KIF6: variants seen among roughly 807,000 people sequenced by gnomAD.
KIF6 encodes kinesin family member 6.
In KIF6, 106 loss-of-function variants were observed where a neutral mutation model predicts 112.7. The ratio of observed to expected loss-of-function variants is 0.94; its 90% CI spans 0.80 to 1.11. KIF6 has a LOEUF of 1.11. KIF6 is among the 50% of genes least tolerant of loss of function. The probability of loss-of-function intolerance (pLI) is 0.00; values close to 1 mark genes in which losing one functional copy is unlikely to be tolerated. For synonymous variants in KIF6, 339 were observed against 339.9 expected, an observed-to-expected ratio of 1.00 and a Z score of 0.03; for missense variants, 929 against 964.0, an observed-to-expected ratio of 0.96 and a Z score of 0.48.
chr6:39,614,274 A>T (rs1441708383), intron 5 of KIF6, among the ~76,000 whole-genome samples: 1 of 152,222 alleles, frequency 6.6e-6, no homozygotes, highest in Non-Finnish European at 1.5e-5. Context: ...AAATCTTATT[A>T]TTCACAAGTA....
chr6:39,659,492 T>C (rs1786003014), intron 3 of KIF6, among the ~76,000 whole-genome samples: 1 of 152,146 alleles, frequency 6.6e-6, no homozygotes. Context: ...TTTGGGTGTG[T>C]TCCCACCCAA....
chr6:39,577,086 T>C (rs905684280), intron 10 of KIF6, among the ~76,000 whole-genome samples: 1 of 152,194 alleles, frequency 6.6e-6, no homozygotes, highest in Non-Finnish European at 1.5e-5. Flanking sequence ...TTCCCCTTAA[T>C]TGCAAATATG....
rs1775934060 is a variant in KIF6 at position 39,498,709 on chromosome 6, T to C, written c.1645+41294A>G. Among the ~76,000 whole-genome samples, 3 of 152,256 alleles carry C rather than the reference T, an allele frequency of 2.0e-5. 1 individual carries two copies. The South Asian group carries it at 6.2e-4, about 32-fold the overall frequency. On this transcript the variant is annotated intron_variant, in intron 13 of 22. Transcript: ENST00000287152. The stretch of plus-strand genomic sequence containing the variant: ...GTGGGCCACAGTTTGTTGATGCCTG[T>C]TGTAGAGTCAATATAATAAATATTT...
chr6:39,420,983 C>T (rs1770320995), intron 14 of KIF6, among the ~76,000 whole-genome samples: 2 of 152,196 alleles, frequency 1.3e-5, no homozygotes, highest in Non-Finnish European at 2.9e-5. Flanking sequence ...GCAGACAGGA[C>T]ATGGCCTATG....
At chr6:39,361,678 G>A (rs946237578) in intron 17 of KIF6, among the ~76,000 whole-genome samples, 13 of 152,070 alleles carry the variant, frequency 8.5e-5, no homozygotes, top group African/African-American at 2.4e-4. Context: ...CGACAGCAGC[G>A]TGTGTGCTCA....
chr6:39,694,945 A>G (rs543813851), intron 3 of KIF6, among the ~76,000 whole-genome samples: 3 of 152,348 alleles, frequency 2.0e-5, no homozygotes, highest in Admixed American at 2.0e-4. Flanking sequence ...TAATCAAAAA[A>G]GCATAGTACT....
At chr6:39,424,497 AT>A (rs1389092159) in intron 14 of KIF6, among the ~76,000 whole-genome samples, 2 of 152,214 alleles carry the variant, frequency 1.3e-5, no homozygotes, top group East Asian at 3.9e-4. Context: ...TTCCATAAAT[AT>A]TTGTAGAATA....
chr6:39,646,600 G>A (rs991952871), intron 3 of KIF6, among the ~76,000 whole-genome samples: 1 of 151,996 alleles, frequency 6.6e-6, no homozygotes, highest in Non-Finnish European at 1.5e-5. Context: ...AAAAATCAAA[G>A]GCAAATACAT....
intron 13 of KIF6, among the ~76,000 whole-genome samples, chr6:39,478,149 G>A (rs1348236053): frequency 6.6e-6 from 1 of 152,236 alleles, no homozygotes; most frequent in African/African-American, 2.4e-5. Context: ...CATCACCCTA[G>A]CAGTATACAC....
At chr6:39,348,806 C>T (rs1034879902) in intron 19 of KIF6, among the ~76,000 whole-genome samples, 1 of 152,184 alleles carries the variant, frequency 6.6e-6, no homozygotes, top group Admixed American at 6.5e-5. Context: ...ACCAGCGCCC[C>T]GCTACCCCCA....
intron 13 of KIF6, among the ~76,000 whole-genome samples, chr6:39,506,051 T>C (rs1015923197): frequency 2.0e-5 from 3 of 152,190 alleles, no homozygotes; most frequent in African/African-American, 7.2e-5. Context: ...GATACATGCA[T>C]GCATATGTTC....
At chr6:39,474,493 A>G (rs2150445337) in intron 13 of KIF6, among the ~76,000 whole-genome samples, 1 of 152,392 alleles carries the variant, frequency 6.6e-6, no homozygotes, top group Non-Finnish European at 1.5e-5. Context: ...GTAAGTGTTC[A>G]ATAAATCTTC....
intron 13 of KIF6, among the ~76,000 whole-genome samples, chr6:39,438,936 TTG>T (rs1425178162): frequency 6.6e-6 from 1 of 152,216 alleles, no homozygotes; most frequent in Non-Finnish European, 1.5e-5. Context: ...ATGCTTACCA[TTG>T]TGTTACAATT....
At chr6:39,715,371 C>T (rs1172113934) in intron 2 of KIF6, among the ~76,000 whole-genome samples, 3 of 152,112 alleles carry the variant, frequency 2.0e-5, no homozygotes, top group African/African-American at 7.2e-5. Flanking sequence ...AAGGTTTAAT[C>T]AGATTGGCAA....
intron 2 of KIF6, among the ~76,000 whole-genome samples, chr6:39,717,179 C>T (rs368657466): frequency 5.3e-5 from 8 of 152,040 alleles, no homozygotes; most frequent in South Asian, 4.1e-4. Flanking sequence ...TGCCTTCTCA[C>T]GGCTCAAGTC....
chr6:39,692,782 G>T (rs577085777), intron 3 of KIF6, among the ~76,000 whole-genome samples: 10 of 152,044 alleles, frequency 6.6e-5, no homozygotes, highest in Admixed American at 2.6e-4. Context: ...ACTCTTACTC[G>T]TCCTTAAAGG....
intron 15 of KIF6, among the ~76,000 whole-genome samples, chr6:39,403,263 C>A (rs1268996739): frequency 6.6e-6 from 1 of 152,088 alleles, no homozygotes; most frequent in Non-Finnish European, 1.5e-5. Flanking sequence ...ATTTGTGTAG[C>A]CACCTTCAAA....
rs1449306134 is a variant in KIF6, at chr6:39,697,545, T to C, written c.251+17147A>G. On this transcript the variant is annotated intron_variant, in intron 3 of 22. Transcript: ENST00000287152. ...AACCATTTTTCTTTATCCTTTCTTT[T>C]TTTTTTTTTTCTTTTGAGACAGAGT... is the stretch of plus-strand genomic sequence containing the variant. 8.6e-5 allele frequency among the ~76,000 whole-genome samples: 13 copies of C among 151,660 alleles called. 1 individual carries two copies. Among genetic ancestry groups the C allele is most frequent in the Admixed American group, 8.5e-4 (13 of 15,232 alleles).
rs1762805668 is a variant in KIF6, at chr6:39,333,318, C to T, written c.*3214G>A. The T allele has an allele frequency of 1.3e-5, 2 of 152,176 alleles. No homozygotes were observed. The highest frequency in any genetic ancestry group is 1.9e-4 in the East Asian group (1 of 5,186). 9.4% of individuals were successfully genotyped at this position (152,176 alleles called of 1,614,324 possible). A position where few individuals can be genotyped will look rare whatever the true frequency, so the allele number is the denominator to read the frequency against. On this transcript the variant is annotated 3_prime_UTR_variant, in exon 23 of 23. Transcript: ENST00000287152. ...CTACAATTAATGCTATATAACAAAC[C>T]ACTCTAAACCTCAGTGGTTTATGAC... is the stretch of plus-strand genomic sequence containing the variant.
Sources: gnomAD v4.1 joint callset for allele counts (sites outside exome capture counted in the v4.1 genomes callset) on GRCh38, gnomAD v4.1.1 for gene constraint, MANE v1.5 for transcripts, NCBI Gene and HGNC (gene_info 2026-07-23, HGNC 2026-07-21) for gene names.